Variants in EPHA6 observed in about 807,000 individuals in gnomAD.
The protein encoded by EPHA6 is EPH receptor A6.
In EPHA6, 50 loss-of-function variants were observed where a neutral mutation model predicts 112.0. The ratio of observed to expected loss-of-function variants is 0.45; its 90% confidence interval spans 0.36 to 0.56. EPHA6 has a LOEUF of 0.56. Ranked by LOEUF, EPHA6 falls within the 20% of genes least tolerant of loss-of-function variation. EPHA6 has a pLI of 0.00. For missense variants in EPHA6, 1,280 were observed against 1,417.4 expected (o/e 0.90, Z 1.56); for synonymous variants, 529 against 490.7 (o/e 1.08, Z -1.03).
chr3:96,908,295 T>G (rs771589875), intron 2 of EPHA6, among the ~76,000 whole-genome samples: 24 of 151,986 alleles, frequency 1.6e-4, no homozygotes, highest in Non-Finnish European at 2.4e-4. Flanking sequence ...GACTTACTTA[T>G]TTATTTAACT....
At chr3:97,594,318 A>G (rs1420551378) in intron 12 of EPHA6, among the ~76,000 whole-genome samples, 1 of 152,250 alleles carries the variant, frequency 6.6e-6, no homozygotes, top group East Asian at 1.9e-4. Flanking sequence ...ACAACTTTCC[A>G]GAGAGGGATC....
chr3:96,955,794 C>T (rs1263905961), intron 2 of EPHA6, among the ~76,000 whole-genome samples: 1 of 152,138 alleles, frequency 6.6e-6, no homozygotes, highest in Non-Finnish European at 1.5e-5. Context: ...CCTTCTAACA[C>T]ATTATGCTAA....
intron 1 of EPHA6, among the ~76,000 whole-genome samples, chr3:96,865,472 AG>A (rs2107448881): frequency 6.6e-6 from 1 of 152,124 alleles, no homozygotes; most frequent in African/African-American, 2.4e-5. Context: ...ACTTGAGGCC[AG>A]GAGTTCAAGA....
At chr3:96,831,513 G>T (rs1347353201) in intron 1 of EPHA6, among the ~76,000 whole-genome samples, 5 of 150,480 alleles carry the variant, frequency 3.3e-5, no homozygotes, top group African/African-American at 1.2e-4. Flanking sequence ...GTTTGTGATT[G>T]TTCATTTTTT....
chr3:97,710,657 CTA>C (rs1265699704), intron 14 of EPHA6, among the ~76,000 whole-genome samples: 1 of 152,174 alleles, frequency 6.6e-6, no homozygotes, highest in Admixed American at 6.5e-5. Context: ...CCAGTTCCCT[CTA>C]TTTACAGAAA....
At chr3:96,995,729 A>G (rs979093837) in intron 3 of EPHA6, among the ~76,000 whole-genome samples, 1 of 152,178 alleles carries the variant, frequency 6.6e-6, no homozygotes, top group African/African-American at 2.4e-5. Context: ...TCTAAAAACA[A>G]TGTACATGCT....
At chr3:97,623,968 G>C (rs895874667) in intron 13 of EPHA6, among the ~76,000 whole-genome samples, 4 of 151,416 alleles carry the variant, frequency 2.6e-5, no homozygotes, top group East Asian at 1.9e-4. Context: ...TTCTCTGTTG[G>C]TTATCTAAGG....
At chr3:97,027,804 C>G (rs1003522591) in intron 3 of EPHA6, among the ~76,000 whole-genome samples, 2 of 152,086 alleles carry the variant, frequency 1.3e-5, no homozygotes, top group Non-Finnish European at 2.9e-5. Flanking sequence ...CCTTTGTGGC[C>G]GTAACTACTA....
chr3:97,199,918 G>C (rs1576669215), intron 3 of EPHA6, among the ~76,000 whole-genome samples: 1 of 152,094 alleles, frequency 6.6e-6, no homozygotes, highest in African/African-American at 2.4e-5. Context: ...ATTAATACAA[G>C]TAAATCATGC....
chr3:97,509,808 C>T (rs2092331131), intron 10 of EPHA6, among the ~76,000 whole-genome samples: 1 of 152,204 alleles, frequency 6.6e-6, no homozygotes, highest in Non-Finnish European at 1.5e-5. Flanking sequence ...TTCTCCCCAT[C>T]ACTTTCAGGT....
At chr3:96,855,714 A>T (rs1339232199) in intron 1 of EPHA6, among the ~76,000 whole-genome samples, 1 of 151,916 alleles carries the variant, frequency 6.6e-6, no homozygotes, top group Non-Finnish European at 1.5e-5. Context: ...TACAGAAGAG[A>T]TTCCTGAAGA....
At chr3:97,448,393 G>A (rs1189958871) in intron 6 of EPHA6, among the ~76,000 whole-genome samples, 175 bp from the exon 7 acceptor site, 1 of 152,076 alleles carries the variant, frequency 6.6e-6, no homozygotes, top group African/African-American at 2.4e-5. Flanking sequence ...CATATCATAT[G>A]CATCATTATG....
chr3:97,620,921 C>G (rs1276552900), intron 13 of EPHA6, among the ~76,000 whole-genome samples: 1 of 151,852 alleles, frequency 6.6e-6, no homozygotes, highest in African/African-American at 2.4e-5. Flanking sequence ...GAGTATATAC[C>G]CAAAGGAATA....
chr3:97,250,076 A>G (rs2079091532), intron 5 of EPHA6, among the ~76,000 whole-genome samples: 1 of 152,218 alleles, frequency 6.6e-6, no homozygotes, highest in Non-Finnish European at 1.5e-5. Flanking sequence ...AATTGAAGAG[A>G]AAATCTTGTA....
chr3:97,391,372 A>G (rs1000594570), intron 5 of EPHA6, among the ~76,000 whole-genome samples: 2 of 151,958 alleles, frequency 1.3e-5, no homozygotes, highest in African/African-American at 2.4e-5. Flanking sequence ...GGCGGTTTCT[A>G]TCTTTAAATT....
chr3:97,744,620 A>C (rs1167406387), intron 16 of EPHA6, among the ~76,000 whole-genome samples: 1 of 151,982 alleles, frequency 6.6e-6, no homozygotes, highest in African/African-American at 2.4e-5. Context: ...AGCATTCTGG[A>C]AGCAAATAGC....
chr3:97,464,056 G>T (rs764223628), intron 7 of EPHA6, among the ~76,000 whole-genome samples: 31 of 152,102 alleles, frequency 2.0e-4, no homozygotes, highest in Non-Finnish European at 2.9e-5. Flanking sequence ...TCTGTTTTGT[G>T]CTCTAAAGAC....
At chr3:97,679,424 A>G (rs930543820) in intron 14 of EPHA6, among the ~76,000 whole-genome samples, 1 of 152,180 alleles carries the variant, frequency 6.6e-6, no homozygotes, top group Admixed American at 6.5e-5. Context: ...ATCTCTATTT[A>G]TAATATGTGA....
intron 14 of EPHA6, among the ~76,000 whole-genome samples, chr3:97,674,505 A>T (rs2031165954): frequency 6.6e-6 from 1 of 152,194 alleles, no homozygotes; most frequent in South Asian, 2.1e-4. Context: ...TTCAGACTAA[A>T]GGAGATGAAA....
Sources: gnomAD v4.1 joint callset for allele counts (sites outside exome capture counted in the v4.1 genomes callset) on GRCh38, gnomAD v4.1.1 for gene constraint, MANE v1.5 for transcripts, NCBI Gene and HGNC (gene_info 2026-07-23, HGNC 2026-07-21) for gene names.